Variants in PIP5K1A observed in about 807,000 individuals in gnomAD.
PIP5K1A encodes phosphatidylinositol-4-phosphate 5-kinase type 1 alpha, also known as phosphatidylinositol 4-phosphate 5-kinase type-1 alpha.
In PIP5K1A, 46 loss-of-function variants were observed where a neutral mutation model predicts 72.9. The ratio of observed to expected loss-of-function variants is 0.63; its 90% CI spans 0.50 to 0.81. The LOEUF (loss-of-function observed/expected upper bound fraction) is 0.81. Among genes scored for constraint, PIP5K1A ranks in the 30% least tolerant of loss-of-function variants. The probability of loss-of-function intolerance (pLI) is 0.00; values close to 1 mark genes in which losing one functional copy is unlikely to be tolerated. For synonymous variants in PIP5K1A, 228 were observed against 255.1 expected (o/e 0.89, Z 1.01); for missense variants, 458 against 706.1 (o/e 0.65, Z 3.98).
At chr1:151,239,275 T>A in intron 11 of PIP5K1A, 97 bp downstream of exon 11, 1 of 804,538 alleles carries the variant, frequency 1.2e-6, no homozygotes, top group Non-Finnish European at 2.0e-6. Context: ...TTTTCTTTTT[T>A]CTTTTTTTTT....
intron 4 of PIP5K1A, among the ~76,000 whole-genome samples, chr1:151,229,433 C>T (rs1323682470): frequency 6.6e-6 from 1 of 150,434 alleles, no homozygotes; most frequent in Non-Finnish European, 1.5e-5. Context: ...GTGATCTCCA[C>T]TCACCAAAAC....
intron 1 of PIP5K1A, among the ~76,000 whole-genome samples, chr1:151,205,470 G>A (rs1215550727): frequency 6.6e-6 from 1 of 151,522 alleles, no homozygotes; most frequent in Non-Finnish European, 1.5e-5. Flanking sequence ...GCTACTGCCC[G>A]GCCTCTCTCC....
chr1:151,232,157 C>T, intron 5 of PIP5K1A, 91 bp from the exon 6 acceptor site: 2 of 840,470 alleles, frequency 2.4e-6, no homozygotes, highest in African/African-American at 1.7e-5. Context: ...CCACTCCCCC[C>T]ACCATGAGGT....
chr1:151,210,498 C>G (rs1558243539), intron 1 of PIP5K1A, among the ~76,000 whole-genome samples: 1 of 151,978 alleles, frequency 6.6e-6, no homozygotes, highest in Admixed American at 6.6e-5. Context: ...GGCGCTCCAT[C>G]TTTATCAACC....
chr1:151,238,669 T>A (rs750896836), intron 10 of PIP5K1A: 3 of 245,700 alleles, frequency 1.2e-5, no homozygotes, highest in South Asian at 1.2e-4. Context: ...TGTATTAGAC[T>A]GTGGAACTAA....
chr1:151,241,829 A>G (rs1012583592), intron 12 of PIP5K1A, among the ~76,000 whole-genome samples: 6 of 151,996 alleles, frequency 3.9e-5, no homozygotes, highest in East Asian at 3.8e-4. Context: ...GAATTATGCA[A>G]TAGGGTACAT....
At chr1:151,207,521 T>G (rs949089488) in intron 1 of PIP5K1A, among the ~76,000 whole-genome samples, 2 of 146,034 alleles carry the variant, frequency 1.4e-5, no homozygotes, top group African/African-American at 5.1e-5. Context: ...GGCTGTATGT[T>G]ACCAAGATTA....
chr1:151,205,507 C>T (rs1416242434), intron 1 of PIP5K1A, among the ~76,000 whole-genome samples: 1 of 151,442 alleles, frequency 6.6e-6, no homozygotes, highest in African/African-American at 2.4e-5. Context: ...TCTTACTTGA[C>T]GTAAAGAAGG....
chr1:151,241,985 T>C, intron 12 of PIP5K1A, 138 bp from the exon 13 acceptor site: 1 of 771,108 alleles, frequency 1.3e-6, no homozygotes, highest in Non-Finnish European at 2.2e-6. Flanking sequence ...CATAGGCCTG[T>C]CTTTGTTGAC....
intron 9 of PIP5K1A, 43 bp downstream of exon 9, chr1:151,236,806 C>T: frequency 9.7e-7 from 1 of 1,029,040 alleles, no homozygotes; most frequent in Non-Finnish European, 1.4e-6. Flanking sequence ...CATAGGCCCA[C>T]AGCACTTTTC....
chr1:151,215,853 T>A, intron 1 of PIP5K1A: 2 of 506,564 alleles, frequency 3.9e-6, no homozygotes, highest in South Asian at 3.1e-5. Context: ...TCTGACCAGG[T>A]CCAGTTCATA....
intron 9 of PIP5K1A, 80 bp downstream of exon 9, chr1:151,236,843 T>TTA (rs1324594341): frequency 8.5e-6 from 8 of 940,320 alleles, no homozygotes; most frequent in Non-Finnish European, 1.2e-5. Flanking sequence ...TTTTTTTTTT[T>TTA]AGTTTCACTC....
Position 151,199,019 on chromosome 1 carries a change from C to A in PIP5K1A, c.23C>A (p.Pro8Gln), listed in dbSNP as rs758497457. 2 of 1,614,052 alleles carry A rather than the reference C, an allele frequency of 1.2e-6. No homozygotes were observed. Among genetic ancestry groups the A allele is most frequent in the East Asian group, 2.2e-5 (1 of 44,894 alleles). ...AAGATGGCGTCGGCCTCCTCCGGGC[C>A]GTCGTCTTCGGTCGGTTTTTCATCC... The part of the protein sequence containing the change: MASASSG[P>Q]SSSVGFSSFD... Residue 8 changes from proline (P) to glutamine (Q), a missense_variant, in exon 1 of 16, where the codon CCG becomes CAG. Physicochemically the swap from Pro to Gln is moderately conservative, Grantham distance 76 (BLOSUM62 -1). Around this residue, in one of 3 missense-constraint regions of PIP5K1A, gnomAD observed 81 missense variants for 88.0 expected, o/e 0.92. Coordinates refer to ENST00000368888, the MANE Select transcript of PIP5K1A (RefSeq NM_001135638.2).
chr1:151,226,551 A>C (rs1211650703), intron 3 of PIP5K1A, among the ~76,000 whole-genome samples: 2 of 151,508 alleles, frequency 1.3e-5, no homozygotes, highest in African/African-American at 2.4e-5. Context: ...ATCTCTACTA[A>C]TAATACAAAA....
intron 15 of PIP5K1A, 38 bp downstream of exon 15, chr1:151,247,003 A>C: frequency 6.5e-7 from 1 of 1,541,540 alleles, no homozygotes; most frequent in East Asian, 2.2e-5. Context: ...AACGTTTTGC[A>C]AGGTATAAAG....
chr1:151,214,807 C>G (rs886579909), intron 1 of PIP5K1A, among the ~76,000 whole-genome samples: 2 of 152,184 alleles, frequency 1.3e-5, no homozygotes, highest in African/African-American at 4.8e-5. Flanking sequence ...ACCTCTGCCT[C>G]TTGGGCTCAG....
chr1:151,199,486 C>T (rs1429406640), intron 1 of PIP5K1A, among the ~76,000 whole-genome samples: 1 of 151,930 alleles, frequency 6.6e-6, no homozygotes, highest in Non-Finnish European at 1.5e-5. Flanking sequence ...TAGTGGCGTG[C>T]ATCTGTAATC....
chr1:151,225,532 C>G (rs983521067), intron 3 of PIP5K1A, among the ~76,000 whole-genome samples: 1 of 149,876 alleles, frequency 6.7e-6, no homozygotes, highest in Non-Finnish European at 1.5e-5. Context: ...TACAGTGGCT[C>G]GATCTTGGCT....
rs1162610943 is a variant in PIP5K1A, at chr1:151,198,929, C to T, written c.-68C>T. 2.7e-6 allele frequency: 4 copies of T among 1,455,600 alleles called. No individual in the cohort carries two copies. The highest frequency in any genetic ancestry group is 9.6e-7 in the Non-Finnish European group (1 of 1,040,512). 90.2% of individuals were successfully genotyped at this position (1,455,600 alleles called of 1,614,324 possible). Reference sequence around the variant, plus strand: ...TCTGTAAAGAGACGTTGGGAAGATTCGATTCCGAGAAGAGGAAGAACCGGA... The same window carrying T: ...TCTGTAAAGAGACGTTGGGAAGATTTGATTCCGAGAAGAGGAAGAACCGGA... On this transcript the variant is annotated 5_prime_UTR_variant, in exon 1 of 16. Transcript: ENST00000368888.
Sources: gnomAD v4.1 joint callset for allele counts (sites outside exome capture counted in the v4.1 genomes callset) on GRCh38, gnomAD v4.1.1 for gene constraint, gnomAD v4.1.1 regional missense constraint, MANE v1.5 for transcripts, NCBI Gene and HGNC (gene_info 2026-07-23, HGNC 2026-07-21) for gene names.